PACRG: variants seen among roughly 807,000 people sequenced by gnomAD.
PACRG encodes parkin coregulated, also known as parkin coregulated gene protein.
PACRG carries 29 observed loss-of-function variants against 29.7 expected under a neutral mutation model. That is an observed-to-expected ratio of 0.98 (90% CI 0.73 to 1.33). The LOEUF (loss-of-function observed/expected upper bound fraction) is 1.33. Ranked by LOEUF, PACRG falls within the 40% of genes most tolerant of loss-of-function variation. PACRG has a pLI of 0.00. For missense variants in PACRG, 279 were observed against 316.2 expected (o/e 0.88, Z 0.89); for synonymous variants, 116 against 118.7 (o/e 0.98, Z 0.15).
intron 2 of PACRG, among the ~76,000 whole-genome samples, chr6:162,906,157 T>C (rs770560249): frequency 6.6e-5 from 10 of 152,238 alleles, no homozygotes; most frequent in Admixed American, 2.6e-4. Flanking sequence ...TTAATAATGA[T>C]TTTTTGTGTG....
At chr6:163,202,387 ATGTG>A (rs896786716) in intron 4 of PACRG, among the ~76,000 whole-genome samples, 1 of 151,960 alleles carries the variant, frequency 6.6e-6, no homozygotes, top group East Asian at 1.9e-4. Context: ...GTTTATGTGC[ATGTG>A]TGTGTGTATG....
intron 2 of PACRG, among the ~76,000 whole-genome samples, chr6:162,953,693 C>T (rs1398690547): frequency 6.6e-6 from 1 of 150,564 alleles, no homozygotes; most frequent in Non-Finnish European, 1.5e-5. Context: ...TCTCCCTAAC[C>T]CCCCCACACT....
chr6:162,925,779 A>T, intron 2 of PACRG, among the ~76,000 whole-genome samples: 1 of 152,132 alleles, frequency 6.6e-6, no homozygotes, highest in East Asian at 1.9e-4. Context: ...CACCACTCCT[A>T]TTCAATATAG....
At chr6:162,924,583 T>G (rs1643418932) in intron 2 of PACRG, among the ~76,000 whole-genome samples, 1 of 152,066 alleles carries the variant, frequency 6.6e-6, no homozygotes, top group African/African-American at 2.4e-5. Flanking sequence ...TTGTTGAGAG[T>G]TTTTATTGTG....
At chr6:162,804,491 G>A (rs1786150717) in intron 1 of PACRG, among the ~76,000 whole-genome samples, 1 of 152,138 alleles carries the variant, frequency 6.6e-6, no homozygotes, top group African/African-American at 2.4e-5. Context: ...TTCCTTGTCT[G>A]TGAAATAATT....
At chr6:163,294,294 T>TATGTATAAAACAAATATACAAAA (rs1784714674) in intron 4 of PACRG, among the ~76,000 whole-genome samples, 1 of 152,156 alleles carries the variant, frequency 6.6e-6, no homozygotes, top group Admixed American at 6.5e-5. Context: ...AATTATGTCA[T>TATGTATAAAACAAATATACAAAA]CATAATATTA....
chr6:162,806,073 A>G (rs1184560437), intron 1 of PACRG, among the ~76,000 whole-genome samples: 1 of 151,874 alleles, frequency 6.6e-6, no homozygotes, highest in Non-Finnish European at 1.5e-5. Context: ...ATCACCATCT[A>G]TGGCAGCTAG....
At chr6:163,258,438 C>A (rs146139670) in intron 4 of PACRG, among the ~76,000 whole-genome samples, 1 of 152,178 alleles carries the variant, frequency 6.6e-6, no homozygotes, top group African/African-American at 2.4e-5. Flanking sequence ...TAGGGATCTG[C>A]TTGATTTGGG....
At chr6:163,278,512 A>G (rs1165364021) in intron 4 of PACRG, among the ~76,000 whole-genome samples, 2 of 152,170 alleles carry the variant, frequency 1.3e-5, no homozygotes, top group Non-Finnish European at 2.9e-5. Context: ...ATTTTTGTAT[A>G]AGGTAAGAGA....
chr6:162,834,372 T>C (rs1407188920), intron 2 of PACRG, among the ~76,000 whole-genome samples: 1 of 152,146 alleles, frequency 6.6e-6, no homozygotes, highest in Non-Finnish European at 1.5e-5. Context: ...TTGTATAACA[T>C]TGCATACATT....
intron 4 of PACRG, among the ~76,000 whole-genome samples, chr6:163,166,655 A>G (rs755209147): frequency 6.6e-6 from 1 of 152,242 alleles, no homozygotes; most frequent in Non-Finnish European, 1.5e-5. Flanking sequence ...TATTTATTTC[A>G]GCCATATCTT....
At chr6:162,924,676 A>C (rs1045396353) in intron 2 of PACRG, among the ~76,000 whole-genome samples, 10 of 151,882 alleles carry the variant, frequency 6.6e-5, no homozygotes, top group Non-Finnish European at 1.2e-4. Flanking sequence ...CATTCTGTTG[A>C]TTTAATATAT....
chr6:163,159,480 CT>C (rs1486252605), intron 4 of PACRG, among the ~76,000 whole-genome samples: 1 of 151,924 alleles, frequency 6.6e-6, no homozygotes, highest in Non-Finnish European at 1.5e-5. Flanking sequence ...TTTTTAAAAA[CT>C]GATGCTGAAT....
At chr6:163,097,004 T>C (rs1337104594) in intron 4 of PACRG, among the ~76,000 whole-genome samples, 1 of 152,218 alleles carries the variant, frequency 6.6e-6, no homozygotes, top group Non-Finnish European at 1.5e-5. Context: ...CTTTCACTGC[T>C]CAGCTCTCCC....
At chr6:162,983,987 A>C (rs902622035) in intron 2 of PACRG, among the ~76,000 whole-genome samples, 4 of 151,836 alleles carry the variant, frequency 2.6e-5, no homozygotes, top group African/African-American at 9.7e-5. Context: ...AATTTATTGG[A>C]GGTTTTGTTC....
chr6:163,152,453 G>A (rs1778136783), intron 4 of PACRG, among the ~76,000 whole-genome samples: 1 of 152,074 alleles, frequency 6.6e-6, no homozygotes, highest in African/African-American at 2.4e-5. Flanking sequence ...ATTAAGCTTG[G>A]TATCTCCCTT....
chr6:162,988,878 T>G (rs58407380), intron 2 of PACRG, among the ~76,000 whole-genome samples: 7,512 of 152,218 alleles, frequency 0.049, 591 homozygotes, highest in African/African-American at 0.16. Context: ...GAGTATGGTT[T>G]GATTACAGTA....
chr6:162,777,376 T>C lies in PACRG; in HGVS notation c.157-36771T>C, dbSNP rs1431021796. Among the ~76,000 whole-genome samples the C allele has an allele frequency of 6.6e-6, 1 of 152,210 alleles. No individual in the cohort carries two copies. Among genetic ancestry groups the C allele is most frequent in the Admixed American group, 6.5e-5 (1 of 15,284 alleles). The stretch of plus-strand genomic sequence containing the variant: ...GCCATGTGGGCACACACTCAGCTTA[T>C]TGATAACATCCCTCAGACACTGCCA... On this transcript the variant is annotated intron_variant, in intron 1 of 4. Transcript: ENST00000366888. This position sits in a 1 kb window ranked among gnomAD's most constrained non-coding sequence, Gnocchi z 4.0.
chr6:163,108,451 G>T (rs1815518863), intron 4 of PACRG, among the ~76,000 whole-genome samples: 1 of 134,320 alleles, frequency 7.4e-6, no homozygotes, highest in African/African-American at 2.8e-5. Context: ...CTGGAACGCA[G>T]TGGTGCAGTC....
Sources: allele counts gnomAD v4.1 joint callset (sites outside exome capture counted in the v4.1 genomes callset), GRCh38; gene constraint gnomAD v4.1.1; non-coding constraint Gnocchi (gnomAD v3.1); transcripts MANE v1.5; gene names NCBI Gene and HGNC (gene_info 2026-07-23, HGNC 2026-07-21).